Variants in DCPS observed in about 807,000 individuals in gnomAD.
DCPS encodes the protein m7GpppX diphosphatase.
DCPS carries 27 observed loss-of-function variants against 34.7 expected under a neutral mutation model. The observed-to-expected ratio is 0.78, with a 90% CI of 0.57 to 1.07. The LOEUF (loss-of-function observed/expected upper bound fraction) is 1.07. Among genes scored for constraint, DCPS ranks in the 50% least tolerant of loss-of-function variants. The pLI is 0.00. For synonymous variants in DCPS, 185 were observed against 185.7 expected (o/e 1.00, Z 0.03); for missense variants, 464 against 436.9 (o/e 1.06, Z -0.55).
In DCPS at chr11:126,345,914, C is replaced by T. The variant is rs1283646740; in HGVS notation, c.*301C>T. ...GGTGCCGAGGGCCTTCTCCAAGCCC[C>T]AGGGCTCACCGTCCGTGGTGGCTTC... On this transcript the variant is annotated 3_prime_UTR_variant, in exon 6 of 6. Coordinates refer to ENST00000263579, the MANE Select transcript of DCPS (RefSeq NM_014026.6). This position sits in a 1 kb window ranked among gnomAD's most constrained non-coding sequence, Gnocchi z 7.4. Among the ~76,000 whole-genome samples, 1 of 152,070 alleles carries T rather than the reference C, an allele frequency of 6.6e-6. No homozygotes were observed. Among genetic ancestry groups the T allele is most frequent in the African/African-American group, 2.4e-5 (1 of 41,386 alleles).
chr11:126,321,404 C>T (rs537234185), intron 2 of DCPS, among the ~76,000 whole-genome samples: 9 of 152,256 alleles, frequency 5.9e-5, no homozygotes, highest in South Asian at 2.1e-4. Context: ...CGTGATCCCC[C>T]GGCCCCCATC....
At position 126,328,112 on chromosome 11, in the gene DCPS, C is replaced by T. The variant is rs1360835379; in HGVS notation, c.377-3293C>T. On this transcript the variant is annotated intron_variant, in intron 2 of 5. Coordinates refer to ENST00000263579, the MANE Select transcript of DCPS (RefSeq NM_014026.6). The surrounding 1 kb of genome is among the most constrained non-coding windows in gnomAD (Gnocchi z 6.6). ...GCCAGGGCACGGCCTGGAGAGGAGC[C>T]CATGGCTGACGCGAGTTAGTGGGTC... 6.6e-6 allele frequency among the ~76,000 whole-genome samples: 1 copy of T among 152,206 alleles called. No individual in the cohort carries two copies. The highest frequency in any genetic ancestry group is 2.4e-5 in the African/African-American group (1 of 41,454).
In DCPS at chr11:126,333,144, T is replaced by C. The variant is rs1227758886; in HGVS notation, c.522+1594T>C. On this transcript the variant is annotated intron_variant, in intron 3 of 5. Coordinates refer to ENST00000263579, the MANE Select transcript of DCPS (RefSeq NM_014026.6). This position sits in a 1 kb window ranked among gnomAD's most constrained non-coding sequence, Gnocchi z 5.7. ...AGGTGTGAGCCACTGTGCCTGGCCATGTATATTCCTTATTATATACCATTA... is the reference window on the plus strand; with the variant it reads ...AGGTGTGAGCCACTGTGCCTGGCCACGTATATTCCTTATTATATACCATTA... Among the ~76,000 whole-genome samples the C allele has an allele frequency of 6.6e-6, 1 of 152,170 alleles. No individual in the cohort carries two copies. The highest frequency in any genetic ancestry group is 2.4e-5 in the African/African-American group (1 of 41,430).
intron 2 of DCPS, among the ~76,000 whole-genome samples, chr11:126,321,330 G>C (rs188204979): frequency 2.3e-4 from 35 of 152,016 alleles, no homozygotes; most frequent in Non-Finnish European, 4.7e-4. Context: ...CTGAGAGTGG[G>C]GTCAGGGCAC....
At position 126,345,308 on chromosome 11, in the gene DCPS, G is replaced by A; in HGVS notation, c.748-39G>A. The A allele has an allele frequency of 1.9e-6, 3 of 1,608,714 alleles. No individual in the cohort carries two copies. The highest frequency in any genetic ancestry group is 2.5e-6 in the Non-Finnish European group (3 of 1,177,440). ...GGGACATGGCGCCGGGCCTCAGGCA[G>A]CACGGTGACTCCTGACCTGCCTGCC... On this transcript the variant is annotated intron_variant, in intron 5 of 5. Coordinates refer to ENST00000263579, the MANE Select transcript of DCPS (RefSeq NM_014026.6). This position sits in a 1 kb window ranked among gnomAD's most constrained non-coding sequence, Gnocchi z 7.4.
rs1350068142 is a variant in DCPS, at chr11:126,312,264, G to A, written c.376+5520G>A. 6.6e-6 allele frequency among the ~76,000 whole-genome samples: 1 copy of A among 152,062 alleles called. No individual in the cohort carries two copies. The highest frequency in any genetic ancestry group is 1.5e-5 in the Non-Finnish European group (1 of 68,012). ...AACTTTAAACAATGCTTACCCATCC[G>A]CTATGGCATACTCTGTAGTATTTCC... On this transcript the variant is annotated intron_variant, in intron 2 of 5. Transcript: ENST00000263579. This position sits in a 1 kb window ranked among gnomAD's most constrained non-coding sequence, Gnocchi z 5.1.
chr11:126,304,216 G>A lies in DCPS; in HGVS notation c.136G>A (p.Gly46Ser), dbSNP rs931749425. The change falls in exon 1 of 6, where the codon GGC (glycine) becomes AGC (serine). Residue 46 changes from glycine (G) to serine (S), a missense_variant. Physicochemically the swap from Gly to Ser is moderately conservative, Grantham distance 56. Transcript: ENST00000263579. ...TGCTCCTGTCCGCTTACCGTTCTCC[G>A]GCTTCAGACTGCAGAAGGTGCTGAG... The part of the protein sequence containing the change: ...TCAPVRLPFS[G>S]FRLQKVLRES... 5.0e-6 allele frequency: 8 copies of A among 1,614,240 alleles called. No individual in the cohort carries two copies. The highest frequency in any genetic ancestry group is 1.3e-5 in the African/African-American group (1 of 75,078).
At chr11:126,343,194 G>A (rs899274169) in intron 4 of DCPS, 113 bp from the exon 5 acceptor site, 8 of 781,410 alleles carry the variant, frequency 1.0e-5, no homozygotes, top group African/African-American at 1.7e-5. Context: ...GTTTCTCCTG[G>A]TGCTGTAGGC....
In DCPS at chr11:126,332,736, G is replaced by T. The variant is rs1032732813; in HGVS notation, c.522+1186G>T. On this transcript the variant is annotated intron_variant, in intron 3 of 5. Coordinates refer to ENST00000263579, the MANE Select transcript of DCPS (RefSeq NM_014026.6). The surrounding 1 kb of genome is among the most constrained non-coding windows in gnomAD (Gnocchi z 5.4). ...CTGGTCTCCCTGGGCAGCAGTTTGC[G>T]TGGGGTGCATCTGGCTCAAGCTGAC... is the stretch of plus-strand genomic sequence containing the variant. Among the ~76,000 whole-genome samples the T allele has an allele frequency of 1.3e-5, 2 of 152,242 alleles. No homozygotes were observed. Among genetic ancestry groups the T allele is most frequent in the Non-Finnish European group, 2.9e-5 (2 of 68,036 alleles).
chr11:126,334,315 C>T lies in DCPS; in HGVS notation c.522+2765C>T, dbSNP rs147530096. Among the ~76,000 whole-genome samples, 7 of 152,192 alleles carry T rather than the reference C, an allele frequency of 4.6e-5. No homozygotes were observed. The East Asian group carries it at 5.8e-4, about 13-fold the overall frequency. ...CCAAGAACTGCTCTAAGCATTTATG[C>T]GCATCACACCTCATTTATTTATTTA... is the stretch of plus-strand genomic sequence containing the variant. On this transcript the variant is annotated intron_variant, in intron 3 of 5. Transcript: ENST00000263579. The surrounding 1 kb of genome is among the most constrained non-coding windows in gnomAD (Gnocchi z 5.5).
rs564726216 is a variant in DCPS at position 126,331,836 on chromosome 11, G to T, written c.522+286G>T. On this transcript the variant is annotated intron_variant, in intron 3 of 5. Coordinates refer to ENST00000263579, the MANE Select transcript of DCPS (RefSeq NM_014026.6). The surrounding 1 kb of genome is among the most constrained non-coding windows in gnomAD (Gnocchi z 7.2). The stretch of plus-strand genomic sequence containing the variant: ...GGATAAGTGGGACCAGAAGGCCTGG[G>T]GCGGGCAATTGCCATTTTATATCGC... Among the ~76,000 whole-genome samples the T allele has an allele frequency of 2.6e-5, 4 of 152,310 alleles. No homozygotes were observed. In the East Asian group the frequency reaches 7.7e-4, roughly 29 times the overall value.
chr11:126,349,680 T>A lies in DCPS; in HGVS notation c.*4067T>A, dbSNP rs1214007831. ...TCCAAAGCATTTGAATATATTTATT[T>A]TATTGATGTAGGTCTGCCAACTCTT... is the stretch of plus-strand genomic sequence containing the variant. On this transcript the variant is annotated 3_prime_UTR_variant, in exon 6 of 6. Coordinates refer to ENST00000263579, the MANE Select transcript of DCPS (RefSeq NM_014026.6). The surrounding 1 kb of genome is among the most constrained non-coding windows in gnomAD (Gnocchi z 5.4). Among the ~76,000 whole-genome samples, 1 of 152,262 alleles carries A rather than the reference T, an allele frequency of 6.6e-6. No individual in the cohort carries two copies. The highest frequency in any genetic ancestry group is 6.5e-5 in the Admixed American group (1 of 15,286).
In DCPS at chr11:126,349,885, C is replaced by T. The variant is rs71475953; in HGVS notation, c.*4272C>T. On this transcript the variant is annotated 3_prime_UTR_variant, in exon 6 of 6. Coordinates refer to ENST00000263579, the MANE Select transcript of DCPS (RefSeq NM_014026.6). The surrounding 1 kb of genome is among the most constrained non-coding windows in gnomAD (Gnocchi z 5.4). ...TTGAAATTACATTGAATTCTGAAAT[C>T]CATGTCAACTTGAAGTTACCAAGTT... 2.6e-3 allele frequency among the ~76,000 whole-genome samples: 390 copies of T among 152,274 alleles called. 2 individuals are homozygous for T. Among genetic ancestry groups the T allele is most frequent in the Non-Finnish European group, 3.1e-3 (214 of 68,020 alleles).
At chr11:126,317,805 C>G (rs1951673628) in intron 2 of DCPS, among the ~76,000 whole-genome samples, 1 of 152,210 alleles carries the variant, frequency 6.6e-6, no homozygotes, top group Non-Finnish European at 1.5e-5. Flanking sequence ...GCTCGCGGCT[C>G]TAAGGCCAAG....
Position 126,320,267 on chromosome 11 carries a change from A to G in DCPS, c.377-11138A>G, listed in dbSNP as rs1951694694. 6.6e-6 allele frequency among the ~76,000 whole-genome samples: 1 copy of G among 152,212 alleles called. No homozygotes were observed. The highest frequency in any genetic ancestry group is 1.5e-5 in the Non-Finnish European group (1 of 68,046). ...ATCTTAGGCACTGCACACACAGTGT[A>G]CGAAACAGAGTCCCTGCTCTCGTGG... is the stretch of plus-strand genomic sequence containing the variant. On this transcript the variant is annotated intron_variant, in intron 2 of 5. Coordinates refer to ENST00000263579, the MANE Select transcript of DCPS (RefSeq NM_014026.6). This position sits in a 1 kb window ranked among gnomAD's most constrained non-coding sequence, Gnocchi z 4.7.
intron 2 of DCPS, among the ~76,000 whole-genome samples, chr11:126,307,165 T>G (rs367784134): frequency 2.6e-5 from 4 of 151,742 alleles, no homozygotes; most frequent in African/African-American, 9.7e-5. Context: ...AAACCTCATC[T>G]CTACTAAAAA....
chr11:126,339,584 C>T (rs772027472), intron 4 of DCPS, among the ~76,000 whole-genome samples: 9 of 152,180 alleles, frequency 5.9e-5, no homozygotes, highest in African/African-American at 1.4e-4. Context: ...AGGGATTTTC[C>T]GAAGTTGCAG....
rs1032732813 is a variant in DCPS, at chr11:126,332,736, G to A, written c.522+1186G>A. ...CTGGTCTCCCTGGGCAGCAGTTTGC[G>A]TGGGGTGCATCTGGCTCAAGCTGAC... On this transcript the variant is annotated intron_variant, in intron 3 of 5. Transcript: ENST00000263579. This position sits in a 1 kb window ranked among gnomAD's most constrained non-coding sequence, Gnocchi z 5.4. Among the ~76,000 whole-genome samples, 8 of 152,242 alleles carry A rather than the reference G, an allele frequency of 5.3e-5. No individual in the cohort carries two copies. The East Asian group carries it at 5.8e-4, about 11-fold the overall frequency.
chr11:126,324,749 T>C (rs1951728990), intron 2 of DCPS, among the ~76,000 whole-genome samples: 1 of 149,118 alleles, frequency 6.7e-6, no homozygotes, highest in African/African-American at 2.5e-5. Context: ...TTGCTGGGAC[T>C]ATAGGCATGA....
Sources: allele counts gnomAD v4.1 joint callset (sites outside exome capture counted in the v4.1 genomes callset), GRCh38; gene constraint gnomAD v4.1.1; non-coding constraint Gnocchi (gnomAD v3.1); transcripts MANE v1.5; gene names NCBI Gene and HGNC (gene_info 2026-07-23, HGNC 2026-07-21).